Variants in PHLDB2 observed in about 807,000 individuals in gnomAD.
PHLDB2 encodes pleckstrin homology-like domain family B member 2.
Under a neutral mutation model 123.6 loss-of-function variants are expected in PHLDB2, and 71 were observed. That is an observed-to-expected ratio of 0.57 (90% CI 0.47 to 0.70). PHLDB2 has a LOEUF of 0.70. PHLDB2 is among the 30% of genes least tolerant of loss of function. PHLDB2 has a pLI of 0.00. For synonymous variants in PHLDB2, 547 were observed against 541.6 expected (o/e 1.01, Z -0.14); for missense variants, 1,446 against 1,519.5 (o/e 0.95, Z 0.80).
intron 1 of PHLDB2, among the ~76,000 whole-genome samples, chr3:111,808,349 G>A (rs1458777196): frequency 1.3e-5 from 2 of 152,104 alleles, no homozygotes; most frequent in African/African-American, 4.8e-5. Context: ...GTATGTTTGT[G>A]CAATCAAACA....
intron 1 of PHLDB2, among the ~76,000 whole-genome samples, chr3:111,821,486 G>A (rs1326004824): frequency 6.6e-6 from 1 of 152,204 alleles, no homozygotes; most frequent in Non-Finnish European, 1.5e-5. Flanking sequence ...GTTTGATGCT[G>A]TAGCTCGAGG....
chr3:111,776,305 A>T (rs924465951), intron 1 of PHLDB2, among the ~76,000 whole-genome samples: 1 of 152,196 alleles, frequency 6.6e-6, no homozygotes, highest in Non-Finnish European at 1.5e-5. Context: ...TAGAAAGAGA[A>T]GATAGAAAAG....
chr3:111,912,819 TA>T (rs1174713388), intron 2 of PHLDB2, among the ~76,000 whole-genome samples: 1 of 151,888 alleles, frequency 6.6e-6, no homozygotes, highest in African/African-American at 2.4e-5. Flanking sequence ...AATGGAGGTT[TA>T]AAAAAAATGA....
At chr3:111,885,836 G>A (rs2066134581) in intron 2 of PHLDB2, 5 of 533,160 alleles carry the variant, frequency 9.4e-6, no homozygotes, top group Non-Finnish European at 6.6e-6. Context: ...CAAGAATTAG[G>A]TAGTAAATTT....
rs373730197 is a variant in PHLDB2 at position 111,904,474 on chromosome 3, T to A, written c.1336-8845T>A. 1.7e-4 allele frequency among the ~76,000 whole-genome samples: 26 copies of A among 152,242 alleles called. 2 individuals are homozygous for A. The South Asian group carries it at 5.0e-3, about 29-fold the overall frequency. ...GTGAAATGCCCCTTCTCATTCGGGA[T>A]GTCCAGTCTGCATAAAGGCAGGAGC... On this transcript the variant is annotated intron_variant, in intron 2 of 17. Coordinates refer to ENST00000431670, the MANE Select transcript of PHLDB2 (RefSeq NM_001134438.2).
chr3:111,929,948 G>A (rs1193832409), intron 5 of PHLDB2, among the ~76,000 whole-genome samples: 1 of 135,500 alleles, frequency 7.4e-6, no homozygotes, highest in African/African-American at 2.8e-5. Flanking sequence ...GTCTCACTCT[G>A]TCGCCCAGGC....
intron 2 of PHLDB2, among the ~76,000 whole-genome samples, chr3:111,905,895 T>C (rs1026737160): frequency 6.6e-6 from 1 of 152,254 alleles, no homozygotes; most frequent in Non-Finnish European, 1.5e-5. Flanking sequence ...ACACCCATTA[T>C]AATTTTATGG....
intron 2 of PHLDB2, among the ~76,000 whole-genome samples, chr3:111,909,658 G>T (rs1282952): frequency 6.6e-6 from 1 of 151,830 alleles, no homozygotes; most frequent in Non-Finnish European, 1.5e-5. Flanking sequence ...TCCCCAGCAC[G>T]TTACTAGACA....
At chr3:111,869,455 CAAAAAAAAGA>C (rs1257961468) in intron 1 of PHLDB2, among the ~76,000 whole-genome samples, 111 of 151,160 alleles carry the variant, frequency 7.3e-4, no homozygotes, top group African/African-American at 2.6e-3. Context: ...AGTAAAAATT[CAAAAAAAAGA>C]AAAAAAAAAG....
chr3:111,896,783 C>T (rs1232479517), intron 2 of PHLDB2, among the ~76,000 whole-genome samples: 1 of 150,736 alleles, frequency 6.6e-6, no homozygotes, highest in African/African-American at 2.4e-5. Flanking sequence ...CCAAAACAAG[C>T]ATTACAAGGG....
chr3:111,884,501 C>T lies in PHLDB2; in HGVS notation c.424C>T (p.Leu142Phe). The change falls in exon 2 of 18, where the codon CTC (leucine) becomes TTC (phenylalanine). Residue 142 changes from leucine (L) to phenylalanine (F), a missense_variant. Leu to Phe is a conservative substitution (Grantham distance 22). Transcript: ENST00000431670. ...TGRDSERALR[L>F]SEKPPYSKYS... ...CCGGGACAGTGAAAGGGCCTTGAGG[C>T]TCTCAGAGAAGCCTCCCTATTCCAA... 6 of 1,614,158 alleles carry T rather than the reference C, an allele frequency of 3.7e-6. No individual in the cohort carries two copies. Among genetic ancestry groups the T allele is most frequent in the Non-Finnish European group, 5.1e-6 (6 of 1,180,012 alleles).
chr3:111,736,055 T>C (rs1423367048), intron 1 of PHLDB2, among the ~76,000 whole-genome samples: 1 of 152,214 alleles, frequency 6.6e-6, no homozygotes, highest in African/African-American at 2.4e-5. Context: ...CAAGATGTTC[T>C]TGATGTTCTT....
At chr3:111,857,637 A>G (rs952229739), upstream of PHLDB2, among the ~76,000 whole-genome samples, 5 of 152,192 alleles carry the variant, frequency 3.3e-5, no homozygotes, top group Admixed American at 2.6e-4. Context: ...TCTGCAGGGC[A>G]AAAACTCAGG....
chr3:111,819,935 G>T (rs1018733251), intron 1 of PHLDB2, among the ~76,000 whole-genome samples: 3 of 152,196 alleles, frequency 2.0e-5, no homozygotes, highest in Non-Finnish European at 2.9e-5. Flanking sequence ...ACCGCATCTG[G>T]CATGGTATGA....
At chr3:111,936,116 C>G (rs531071494) in intron 6 of PHLDB2, among the ~76,000 whole-genome samples, 2 of 152,270 alleles carry the variant, frequency 1.3e-5, no homozygotes, top group South Asian at 4.1e-4. Flanking sequence ...TCTCTTCTTC[C>G]TGTCCCTCCA....
At chr3:111,763,634 C>A (rs1423574876) in intron 1 of PHLDB2, among the ~76,000 whole-genome samples, 1 of 152,082 alleles carries the variant, frequency 6.6e-6, no homozygotes, top group Non-Finnish European at 1.5e-5. Context: ...ATGTTTGTAT[C>A]CCCAGAAATT....
intron 5 of PHLDB2, among the ~76,000 whole-genome samples, chr3:111,925,886 T>C (rs1346716297): frequency 1.3e-5 from 2 of 152,272 alleles, no homozygotes; most frequent in African/African-American, 2.4e-5. Context: ...TTATGGATTA[T>C]CTGTTTTATC....
At chr3:111,773,257 C>G in intron 1 of PHLDB2, among the ~76,000 whole-genome samples, 1 of 152,166 alleles carries the variant, frequency 6.6e-6, no homozygotes, top group Non-Finnish European at 1.5e-5. Context: ...AAACCTGGAG[C>G]AGAAGTTCTT....
intron 10 of PHLDB2, chr3:111,949,622 A>G (rs2107628428): frequency 1.3e-6 from 1 of 765,374 alleles, no homozygotes; most frequent in Non-Finnish European, 1.6e-6. Flanking sequence ...ACAAAACAGA[A>G]CAAACTATCA....
Sources: gnomAD v4.1 joint callset for allele counts (sites outside exome capture counted in the v4.1 genomes callset) on GRCh38, gnomAD v4.1.1 for gene constraint, MANE v1.5 for transcripts, NCBI Gene and HGNC (gene_info 2026-07-23, HGNC 2026-07-21) for gene names.